The following SLC2A5 variants were observed in gnomAD, a reference collection of about 807,000 sequenced individuals.
SLC2A5 encodes the protein solute carrier family 2 member 5, also known as solute carrier family 2, facilitated glucose transporter member 5.
SLC2A5 carries 56 observed loss-of-function variants against 50.3 expected under a neutral mutation model. The observed-to-expected ratio is 1.11, with a 90% CI of 0.90 to 1.39. SLC2A5 has a LOEUF of 1.39. Ranked by LOEUF, SLC2A5 falls within the 40% of genes most tolerant of loss-of-function variation. SLC2A5 has a pLI of 0.00. For synonymous variants in SLC2A5, 269 were observed against 281.9 expected (o/e 0.95, Z 0.46); for missense variants, 566 against 650.1 (o/e 0.87, Z 1.41).
chr1:9,069,399 T>C (rs1362200915), intron 1 of SLC2A5, 105 bp downstream of exon 1: 4 of 1,164,654 alleles, frequency 3.4e-6, no homozygotes, highest in Non-Finnish European at 5.1e-6. Flanking sequence ...CAACACAGAG[T>C]TCCCTCTGCA....
At chr1:9,068,333 A>G (rs1274454519) in intron 1 of SLC2A5, among the ~76,000 whole-genome samples, 2 of 151,864 alleles carry the variant, frequency 1.3e-5, no homozygotes, top group African/African-American at 4.8e-5. Context: ...TATTACTCCC[A>G]TTTTACAAAT....
intron 1 of SLC2A5, 151 bp from the exon 2 acceptor site, chr1:9,058,401 G>A: frequency 3.2e-6 from 2 of 627,332 alleles, no homozygotes; most frequent in East Asian, 2.9e-5. Context: ...AACCCACCTT[G>A]GGTTACAGGC....
chr1:9,047,502 G>A (rs1641464955), intron 4 of SLC2A5, 108 bp downstream of exon 4: 37 of 1,176,424 alleles, frequency 3.1e-5, no homozygotes, highest in Non-Finnish European at 4.2e-5. Flanking sequence ...GTATAGGAAC[G>A]CTTTCTACAC....
At chr1:9,092,907 T>C (rs1296938151), upstream of SLC2A5, among the ~76,000 whole-genome samples, 2 of 152,114 alleles carry the variant, frequency 1.3e-5, no homozygotes, top group East Asian at 3.9e-4. Context: ...TCCAGACACA[T>C]AAAGACTGGG....
At chr1:9,054,087 G>C (rs1641694716) in intron 3 of SLC2A5, among the ~76,000 whole-genome samples, 2 of 152,038 alleles carry the variant, frequency 1.3e-5, no homozygotes, top group Non-Finnish European at 2.9e-5. Flanking sequence ...TACCTAGAAA[G>C]CACCCGAGAG....
rs1253261376 is a variant in SLC2A5, at chr1:9,035,913, A to T, written c.*1673T>A. The T allele has an allele frequency of 6.6e-6, 1 of 152,172 alleles. No homozygotes were observed. Among genetic ancestry groups the T allele is most frequent in the African/African-American group, 2.4e-5 (1 of 41,430 alleles). 9.4% of individuals were successfully genotyped at this position (152,172 alleles called of 1,614,324 possible). On this transcript the variant is annotated 3_prime_UTR_variant, in exon 12 of 12. Transcript: ENST00000377424. The stretch of plus-strand genomic sequence containing the variant: ...GTTTTACCCCTTACAGAACCATCAG[A>T]TCTCATGAGGCTGATTCACTACCAT...
At position 9,041,837 on chromosome 1, in the gene SLC2A5, G is replaced by A; in HGVS notation, c.519C>T (p.Gly173=). The A allele has an allele frequency of 6.2e-7, 1 of 1,614,080 alleles. No individual in the cohort carries two copies. The highest frequency in any genetic ancestry group is 8.5e-7 in the Non-Finnish European group (1 of 1,180,024). ...GACCAAAGATCTGGGCCACAAGGAT[G>A]CCAACAGTGATGAAGAGCTGGGGCA... ...GVVPQLFITV[G]ILVAQIFGLR... is the part of the protein sequence containing the mutation. Residue 173 remains glycine (G), a synonymous_variant, in exon 5 of 12, where the codon GGC becomes GGT. Coordinates refer to ENST00000377424, the MANE Select transcript of SLC2A5 (RefSeq NM_003039.3).
At position 9,036,406 on chromosome 1, in the gene SLC2A5, C is replaced by G. The variant is rs1224297039; in HGVS notation, c.*1180G>C. 6.6e-6 allele frequency: 1 copy of G among 152,162 alleles called. No homozygotes were observed. Among genetic ancestry groups the G allele is most frequent in the Admixed American group, 6.5e-5 (1 of 15,268 alleles). 9.4% of individuals were successfully genotyped at this position (152,162 alleles called of 1,614,324 possible). ...GCTGGAGTATAGGGTGCAATTTCAG[C>G]TCACTGCAACCTCTACTTCCCAGGC... On this transcript the variant is annotated 3_prime_UTR_variant, in exon 12 of 12. Transcript: ENST00000377424.
In SLC2A5 at chr1:9,039,826, C is replaced by T. The variant is rs779890796; in HGVS notation, c.859G>A (p.Gly287Ser). 9 of 1,602,580 alleles carry T rather than the reference C, an allele frequency of 5.6e-6. No homozygotes were observed. The East Asian group carries it at 9.0e-5, about 16-fold the overall frequency. Residue 287 changes from glycine to serine, a missense_variant, in exon 7 of 12, where the codon GGC becomes AGC. Gly to Ser is a moderately conservative substitution (Grantham distance 56, BLOSUM62 0). Transcript: ENST00000377424. ...QLLSIIVLMG[G>S]QQLSGVNAIY... ...GCGTTGACGCCCGACAGCTGCTGGC[C>T]GCCCATGAGGACGATGATGGACAGC...
intron 2 of SLC2A5, among the ~76,000 whole-genome samples, chr1:9,057,935 C>T (rs1053566538): frequency 1.3e-5 from 2 of 152,236 alleles, no homozygotes; most frequent in Non-Finnish European, 2.9e-5. Flanking sequence ...TGAGCCCCCT[C>T]CTAGAGCCCG....
chr1:9,063,218 T>C (rs760948508), intron 1 of SLC2A5, among the ~76,000 whole-genome samples: 2 of 152,190 alleles, frequency 1.3e-5, no homozygotes, highest in Non-Finnish European at 2.9e-5. Flanking sequence ...TGTATACTTT[T>C]ATATATTAAT....
chr1:9,055,506 G>C (rs922396794), intron 3 of SLC2A5, among the ~76,000 whole-genome samples: 3 of 151,968 alleles, frequency 2.0e-5, no homozygotes, highest in African/African-American at 4.8e-5. Flanking sequence ...GACAGGGCGA[G>C]ACTCCATCTC....
chr1:9,078,407 C>T (rs555015350), intron 2 of SLC2A5, among the ~76,000 whole-genome samples: 69 of 152,098 alleles, frequency 4.5e-4, no homozygotes, highest in Non-Finnish European at 8.5e-4. Context: ...TCACTTTACT[C>T]GGTCCCTATT....
In SLC2A5 at chr1:9,035,130, T is replaced by C. The variant is rs1277122087; in HGVS notation, c.*2456A>G. 6.6e-6 allele frequency: 1 copy of C among 152,220 alleles called. No individual in the cohort carries two copies. Among genetic ancestry groups the C allele is most frequent in the East Asian group, 1.9e-4 (1 of 5,200 alleles). The allele number at this position is 152,220 out of a possible 1,614,324, so 9.4% of individuals were successfully genotyped here. On this transcript the variant is annotated 3_prime_UTR_variant, in exon 12 of 12. Transcript: ENST00000377424. ...AGTCATTTAATTCTCACAATGGACA[T>C]GTGAGACATTTACTATTAGTGCCAT...
chr1:9,045,008 G>A (rs1389349503), intron 4 of SLC2A5, among the ~76,000 whole-genome samples: 1 of 152,158 alleles, frequency 6.6e-6, no homozygotes, highest in Non-Finnish European at 1.5e-5. Context: ...CAGGGATCCC[G>A]AGACCTTTTA....
In SLC2A5 at chr1:9,057,339, C is replaced by T. The variant is rs1569877602; in HGVS notation, c.293+109G>A. On this transcript the variant is annotated intron_variant, in intron 3 of 11. Transcript: ENST00000377424. ...AAGAAAGAAAAAAGAAAAATGACCA[C>T]AGTGGTTATTATCTTAGTCTCATGG... 8.2e-6 allele frequency: 4 copies of T among 488,496 alleles called. No individual in the cohort carries two copies. In the South Asian group the frequency reaches 2.1e-4, roughly 26 times the overall value. 30.3% of individuals were successfully genotyped at this position (488,496 alleles called of 1,614,324 possible). A position where few individuals can be genotyped will look rare whatever the true frequency, so the allele number is the denominator to read the frequency against.
At chr1:9,086,386 T>C (rs1426380913) in intron 1 of SLC2A5, among the ~76,000 whole-genome samples, 1 of 124,008 alleles carries the variant, frequency 8.1e-6, no homozygotes, top group Non-Finnish European at 1.7e-5. Flanking sequence ...TTTTTCTCTC[T>C]CTTTTTTTTT....
chr1:9,038,745 A>G (rs1641209992), intron 9 of SLC2A5, 83 bp downstream of exon 9: 2 of 1,484,222 alleles, frequency 1.3e-6, no homozygotes, highest in Non-Finnish European at 1.8e-6. Flanking sequence ...CTTTTATTTT[A>G]AGGCAGGTGG....
chr1:9,056,717 A>G (rs1197175816), intron 3 of SLC2A5, among the ~76,000 whole-genome samples: 1 of 152,156 alleles, frequency 6.6e-6, no homozygotes, highest in Non-Finnish European at 1.5e-5. Flanking sequence ...GAAATAAAAT[A>G]TGGCATTTCT....
Sources: gnomAD v4.1 joint callset for allele counts (sites outside exome capture counted in the v4.1 genomes callset) on GRCh38, gnomAD v4.1.1 for gene constraint, MANE v1.5 for transcripts, NCBI Gene and HGNC (gene_info 2026-07-23, HGNC 2026-07-21) for gene names.